The following CAMK4 variants were observed in gnomAD, a reference collection of about 807,000 sequenced individuals.
The protein encoded by CAMK4 is calcium/calmodulin-dependent protein kinase type IV.
Under a neutral mutation model 44.9 loss-of-function variants are expected in CAMK4, and 22 were observed. The observed-to-expected ratio is 0.49, with a 90% CI of 0.35 to 0.70. CAMK4 has a LOEUF of 0.70. CAMK4 is among the 30% of genes least tolerant of loss of function. The pLI is 0.01. For missense variants in CAMK4, 498 were observed against 586.8 expected, an observed-to-expected ratio of 0.85 and a Z score of 1.56; for synonymous variants, 218 against 215.4, an observed-to-expected ratio of 1.01 and a Z score of -0.11.
chr5:111,296,976 G>C (rs1426115875), intron 1 of CAMK4, among the ~76,000 whole-genome samples: 2 of 152,202 alleles, frequency 1.3e-5, no homozygotes, highest in African/African-American at 4.8e-5. Context: ...GGTTTTAAAG[G>C]TGAAAACTTT....
At chr5:111,233,137 G>C (rs1239592312) in intron 1 of CAMK4, among the ~76,000 whole-genome samples, 1 of 152,106 alleles carries the variant, frequency 6.6e-6, no homozygotes, top group African/African-American at 2.4e-5. Context: ...TCCTAGGTCT[G>C]GTCTGTGGTT....
intron 5 of CAMK4, among the ~76,000 whole-genome samples, chr5:111,398,574 C>G (rs945177516): frequency 6.6e-6 from 1 of 152,184 alleles, no homozygotes; most frequent in Non-Finnish European, 1.5e-5. Context: ...CATGATTTTA[C>G]TTGGAATATG....
chr5:111,481,746 T>C (rs1434466651), intron 9 of CAMK4, among the ~76,000 whole-genome samples: 2 of 152,132 alleles, frequency 1.3e-5, no homozygotes, highest in African/African-American at 4.8e-5. Context: ...CAATTCCAAA[T>C]TGTCTGACCT....
At chr5:111,271,676 A>T (rs1372610999) in intron 1 of CAMK4, among the ~76,000 whole-genome samples, 1 of 152,180 alleles carries the variant, frequency 6.6e-6, no homozygotes, top group African/African-American at 2.4e-5. Flanking sequence ...AAATTCATAG[A>T]AAAGTATAGA....
intron 2 of CAMK4, among the ~76,000 whole-genome samples, chr5:111,354,619 GAAT>G (rs753525226): frequency 0.5 from 75,748 of 151,828 alleles, 19,044 homozygotes; most frequent in African/African-American, 0.54. Context: ...TGAGGCAGGA[GAAT>G]CACTTGAACC....
rs1461989407 is a variant in CAMK4, at chr5:111,290,968, A to G, written c.162-53056A>G. 1.3e-5 allele frequency among the ~76,000 whole-genome samples: 2 copies of G among 152,236 alleles called. No individual in the cohort carries two copies. The highest frequency in any genetic ancestry group is 2.9e-5 in the Non-Finnish European group (2 of 68,044). On this transcript the variant is annotated intron_variant, in intron 1 of 10. Transcript: ENST00000282356. This position sits in a 1 kb window ranked among gnomAD's most constrained non-coding sequence, Gnocchi z 4.5. ...ATGCCACTTGGCTCTTTATGTTACC[A>G]TGGGAAATTCTAAGGCAAGAATCTC...
chr5:111,369,954 C>T (rs1236314418), intron 2 of CAMK4, among the ~76,000 whole-genome samples: 1 of 151,848 alleles, frequency 6.6e-6, no homozygotes, highest in Non-Finnish European at 1.5e-5. Context: ...TAGAAGATGC[C>T]GAACCCACAG....
intron 1 of CAMK4, among the ~76,000 whole-genome samples, chr5:111,266,731 G>C (rs1750263972): frequency 6.6e-6 from 1 of 152,214 alleles, no homozygotes; most frequent in African/African-American, 2.4e-5. Context: ...ATGGTTTATA[G>C]ATCTCACTCA....
At chr5:111,468,032 G>A (rs1263739757) in intron 7 of CAMK4, among the ~76,000 whole-genome samples, 1 of 151,688 alleles carries the variant, frequency 6.6e-6, no homozygotes, top group Non-Finnish European at 1.5e-5. Context: ...CAACCTGGAT[G>A]GAGTTAGAGA....
At chr5:111,417,024 T>C (rs1752839345) in intron 5 of CAMK4, among the ~76,000 whole-genome samples, 1 of 152,182 alleles carries the variant, frequency 6.6e-6, no homozygotes, top group African/African-American at 2.4e-5. Flanking sequence ...GGTAAATAAA[T>C]ATTGGATTCA....
chr5:111,229,714 C>T (rs544129871), intron 1 of CAMK4, among the ~76,000 whole-genome samples: 2 of 152,290 alleles, frequency 1.3e-5, no homozygotes, highest in African/African-American at 2.4e-5. Flanking sequence ...GAAGCTCCAG[C>T]TCTTGGGGGA....
chr5:111,467,776 C>A (rs1754895522), intron 7 of CAMK4, among the ~76,000 whole-genome samples: 1 of 152,152 alleles, frequency 6.6e-6, no homozygotes, highest in Non-Finnish European at 1.5e-5. Context: ...AGTACAACCA[C>A]TATGGAAAAC....
chr5:111,285,678 G>T (rs1751211784), intron 1 of CAMK4, among the ~76,000 whole-genome samples: 1 of 152,050 alleles, frequency 6.6e-6, no homozygotes. Context: ...TTAGAATAAA[G>T]TAGTGTATTT....
rs1208979315 is a variant in CAMK4, at chr5:111,308,099, G to A, written c.162-35925G>A. Among the ~76,000 whole-genome samples the A allele has an allele frequency of 2.7e-5, 3 of 113,078 alleles. No individual in the cohort carries two copies. The East Asian group carries it at 7.9e-4, about 30-fold the overall frequency. 74.2% of individuals were successfully genotyped at this position (113,078 alleles called of 152,430 possible). On this transcript the variant is annotated intron_variant, in intron 1 of 10. Transcript: ENST00000282356. ...GGAATATCACACTCTGGGGACTGTGGTGGGGTCGGGGGAGGGGGGAGGGAT... is the reference window on the plus strand; with the variant it reads ...GGAATATCACACTCTGGGGACTGTGATGGGGTCGGGGGAGGGGGGAGGGAT...
chr5:111,375,758 C>G (rs943957634), intron 3 of CAMK4, among the ~76,000 whole-genome samples: 1 of 152,126 alleles, frequency 6.6e-6, no homozygotes, highest in East Asian at 1.9e-4. Context: ...GTTCCAGAAC[C>G]CAAATACCAT....
rs1284882919 is a variant in CAMK4, at chr5:111,426,795, G to T, written c.460-19891G>T. Among the ~76,000 whole-genome samples the T allele has an allele frequency of 2.6e-5, 4 of 152,280 alleles. No homozygotes were observed. In the East Asian group the frequency reaches 7.7e-4, roughly 29 times the overall value. On this transcript the variant is annotated intron_variant, in intron 5 of 10. Transcript: ENST00000282356. ...ATTCAGCTGATGCCTGCCCACAGAGGGGACACTTAAACCAGTCCTAGTCAG... is the reference window on the plus strand; with the variant it reads ...ATTCAGCTGATGCCTGCCCACAGAGTGGACACTTAAACCAGTCCTAGTCAG...
At chr5:111,421,820 C>A (rs754260542) in intron 5 of CAMK4, among the ~76,000 whole-genome samples, 1 of 152,118 alleles carries the variant, frequency 6.6e-6, no homozygotes, top group Non-Finnish European at 1.5e-5. Context: ...ATGGGAGGGA[C>A]CCTGTTGGAG....
chr5:111,388,641 A>G (rs965470646), intron 4 of CAMK4, among the ~76,000 whole-genome samples: 2 of 152,058 alleles, frequency 1.3e-5, no homozygotes, highest in African/African-American at 4.8e-5. Context: ...TAACTCTATC[A>G]CATCATTTAG....
intron 5 of CAMK4, among the ~76,000 whole-genome samples, chr5:111,410,495 G>A (rs933856746): frequency 5.9e-5 from 9 of 152,156 alleles, no homozygotes; most frequent in Non-Finnish European, 1.0e-4. Context: ...ATAGTAAAGA[G>A]TGAATAACAC....
Sources: allele counts gnomAD v4.1 joint callset (sites outside exome capture counted in the v4.1 genomes callset), GRCh38; gene constraint gnomAD v4.1.1; non-coding constraint Gnocchi (gnomAD v3.1); transcripts MANE v1.5; gene names NCBI Gene and HGNC (gene_info 2026-07-23, HGNC 2026-07-21).